Variants in COPB1 observed in about 807,000 individuals in gnomAD.
The protein encoded by COPB1 is coat protein complex I subunit beta 1, also known as coatomer subunit beta.
In COPB1, 21 loss-of-function variants were observed where a neutral mutation model predicts 108.7. The observed-to-expected ratio is 0.19, with a 90% CI of 0.14 to 0.28. The LOEUF is 0.28. Among genes scored for constraint, COPB1 ranks in the 10% least tolerant of loss-of-function variants. COPB1 has a pLI of 1.00. For missense variants in COPB1, 919 were observed against 1,141.3 expected (o/e 0.81, Z 2.81); for synonymous variants, 378 against 386.8 (o/e 0.98, Z 0.27).
chr11:14,465,482 C>CCCA (rs1259096289), intron 17 of COPB1, among the ~76,000 whole-genome samples: 2 of 152,020 alleles, frequency 1.3e-5, no homozygotes, highest in Non-Finnish European at 2.9e-5. Flanking sequence ...ACAGGAGTGG[C>CCCA]CCACCACACC....
intron 18 of COPB1, among the ~76,000 whole-genome samples, chr11:14,461,898 T>C (rs1383131418): frequency 6.6e-6 from 1 of 152,202 alleles, no homozygotes; most frequent in East Asian, 1.9e-4. Context: ...TTAAATGGCA[T>C]AGTATTTGCA....
intron 19 of COPB1, among the ~76,000 whole-genome samples, 190 bp from the exon 20 acceptor site, chr11:14,460,487 CT>C (rs1427073011): frequency 6.6e-6 from 1 of 151,894 alleles, no homozygotes; most frequent in African/African-American, 2.4e-5. Flanking sequence ...ATAGAGATAA[CT>C]TCACAGAGAT....
At chr11:14,499,038 A>G (rs1438367640) in intron 1 of COPB1, 53 bp from the exon 2 acceptor site, 3 of 854,578 alleles carry the variant, frequency 3.5e-6, no homozygotes, top group Non-Finnish European at 5.4e-6. Flanking sequence ...AAAAACCCAC[A>G]AACAAGTACC....
Position 14,469,521 on chromosome 11 carries a change from G to A in COPB1, c.1780C>T (p.His594Tyr), listed in dbSNP as rs753978046. Residue 594 changes from histidine to tyrosine, a missense_variant, in exon 15 of 22, where the codon CAT (histidine) becomes TAT (tyrosine). By Grantham distance (83) the His-to-Tyr change is moderately conservative (BLOSUM62 2). Transcript: ENST00000439561. ...TTAGGAAGAGAGGATTTTCCCAAAT[G>A]CAGGATAGTAGCCATGAGCAACATA... ...EAMLLMATILHLGKSSLPKKP... is the reference protein window; with the variant it reads ...EAMLLMATILYLGKSSLPKKP... 6.2e-7 allele frequency: 1 copy of A among 1,614,158 alleles called. No individual in the cohort carries two copies. The highest frequency in any genetic ancestry group is 1.1e-5 in the South Asian group (1 of 91,082).
intron 1 of COPB1, 142 bp from the exon 2 acceptor site, chr11:14,499,127 C>A: frequency 1.8e-6 from 1 of 540,672 alleles, no homozygotes; most frequent in South Asian, 2.6e-5. Flanking sequence ...TAGTAAAAAC[C>A]ACATTATCAG....
intron 2 of COPB1, among the ~76,000 whole-genome samples, chr11:14,495,668 C>A (rs1382730878): frequency 6.6e-6 from 1 of 152,176 alleles, no homozygotes; most frequent in East Asian, 1.9e-4. Flanking sequence ...CCAGTCTCAA[C>A]TCTTCTTAAT....
rs1314663359 is a variant in COPB1, at chr11:14,483,157, T to C, written c.838-6A>G. Reference sequence around the variant, plus strand: ...ATGTAACACTGAGCAGCAGCCTATATAAAAAAAGAAATACATTTTAAGAAG... The same window carrying C: ...ATGTAACACTGAGCAGCAGCCTATACAAAAAAAGAAATACATTTTAAGAAG... On this transcript the variant is annotated splice_polypyrimidine_tract_variant and splice_region_variant and intron_variant, in intron 7 of 21. Coordinates refer to ENST00000439561, the MANE Select transcript of COPB1 (RefSeq NM_001144061.2). The C allele has an allele frequency of 1.3e-6, 2 of 1,528,626 alleles. No individual in the cohort carries two copies. Among genetic ancestry groups the C allele is most frequent in the Non-Finnish European group, 1.8e-6 (2 of 1,130,538 alleles). The allele number at this position is 1,528,626 out of a possible 1,614,324, so 94.7% of individuals were successfully genotyped here. A position where few individuals can be genotyped will look rare whatever the true frequency, so the allele number is the denominator to read the frequency against.
chr11:14,489,567 C>T (rs1850848956), intron 5 of COPB1, among the ~76,000 whole-genome samples: 1 of 152,182 alleles, frequency 6.6e-6, no homozygotes, highest in African/African-American at 2.4e-5. Context: ...AATTCCAACA[C>T]ATGCCGCAAC....
At chr11:14,459,023 C>T (rs1034183059) in intron 20 of COPB1, among the ~76,000 whole-genome samples, 4 of 152,198 alleles carry the variant, frequency 2.6e-5, no homozygotes, top group Non-Finnish European at 5.9e-5. Flanking sequence ...CCGCCTCGGC[C>T]TCCCAAAATG....
rs777873554 is a variant in COPB1, at chr11:14,480,790, A to T, written c.1181T>A (p.Phe394Tyr). Residue 394 changes from phenylalanine to tyrosine, a missense_variant, in exon 10 of 22, where the codon TTT becomes TAT. By Grantham distance (22) the Phe-to-Tyr change is conservative (BLOSUM62 3). Coordinates refer to ENST00000439561, the MANE Select transcript of COPB1 (RefSeq NM_001144061.2). Reference sequence around the variant, plus strand: ...AATAACATTTGCAGCCATATCTGGAAATCGGACAGAACAGGAATGCAATGT... The same window carrying T: ...AATAACATTTGCAGCCATATCTGGATATCGGACAGAACAGGAATGCAATGT... ...VRTLHSCSVR[F>Y]PDMAANVIPV... is the part of the protein sequence containing the mutation. 9 of 1,613,882 alleles carry T rather than the reference A, an allele frequency of 5.6e-6. No homozygotes were observed. The African/African-American group carries it at 1.1e-4, about 19-fold the overall frequency.
rs3758764 is a variant in COPB1 at position 14,490,279 on chromosome 11, T to C, written c.606+286A>G. On this transcript the variant is annotated intron_variant, in intron 5 of 21. Coordinates refer to ENST00000439561, the MANE Select transcript of COPB1 (RefSeq NM_001144061.2). Reference sequence around the variant, plus strand: ...ACTAAACAATTTTAGATCTATACCATCATAGGAAAGAACAGTCATAATAAT... The same window carrying C: ...ACTAAACAATTTTAGATCTATACCACCATAGGAAAGAACAGTCATAATAAT... Among the ~76,000 whole-genome samples, 46 of 152,282 alleles carry C rather than the reference T, an allele frequency of 3.0e-4. No individual in the cohort carries two copies. In the East Asian group the frequency reaches 8.9e-3, roughly 29 times the overall value.
At position 14,466,369 on chromosome 11, in the gene COPB1, T is replaced by G; in HGVS notation, c.2203A>C (p.Asn735His). The change falls in exon 17 of 22, where the codon AAC (asparagine) becomes CAC (histidine). Residue 735 changes from asparagine to histidine, a missense_variant. Coordinates refer to ENST00000439561, the MANE Select transcript of COPB1 (RefSeq NM_001144061.2). ...PVYAEAYVHV[N>H]QYDIVLDVLV... ...ACATCCAGGACAATATCATATTGGT[T>G]GACATGAACGTAAGCTTCTGCATAT... 1.2e-6 allele frequency: 2 copies of G among 1,613,534 alleles called. No individual in the cohort carries two copies. Among genetic ancestry groups the G allele is most frequent in the Non-Finnish European group, 1.7e-6 (2 of 1,179,784 alleles).
intron 18 of COPB1, among the ~76,000 whole-genome samples, chr11:14,463,423 T>C (rs907982588): frequency 2.0e-5 from 3 of 152,374 alleles, no homozygotes. Flanking sequence ...GTTCAAGCTA[T>C]TCTCCTGCCT....
In COPB1 at chr11:14,481,064, T is replaced by C. The variant is rs146427132; in HGVS notation, c.991A>G (p.Thr331Ala). 4.5e-5 allele frequency: 73 copies of C among 1,613,628 alleles called. 2 individuals are homozygous for C. In the East Asian group the frequency reaches 1.6e-3, roughly 34 times the overall value. The stretch of plus-strand genomic sequence containing the variant: ...TTCTTTCGTACTTCTAAGTCTGGTG[T>C]GCTCAATACTCTTAGGATATCCATA... ...LVMDILRVLS[T>A]PDLEVRKKTL... Residue 331 changes from threonine to alanine, a missense_variant, in exon 9 of 22, where the codon ACA (threonine) becomes GCA (alanine). This residue lies in a region of COPB1 where 705 missense variants were observed against 817.8 expected (regional missense o/e 0.86). Coordinates refer to ENST00000439561, the MANE Select transcript of COPB1 (RefSeq NM_001144061.2).
chr11:14,484,227 A>T (rs1037299494), intron 7 of COPB1, among the ~76,000 whole-genome samples: 1 of 152,244 alleles, frequency 6.6e-6, no homozygotes, highest in South Asian at 2.1e-4. Context: ...GGAGACTACG[A>T]TATGACCACT....
At chr11:14,469,783 G>C (rs888873744) in intron 14 of COPB1, among the ~76,000 whole-genome samples, 1 of 152,156 alleles carries the variant, frequency 6.6e-6, no homozygotes, top group African/African-American at 2.4e-5. Context: ...AGAGACAGCA[G>C]AGGCTTTTTA....
chr11:14,484,944 GAA>G (rs1309915128), intron 7 of COPB1, among the ~76,000 whole-genome samples: 1 of 152,154 alleles, frequency 6.6e-6, no homozygotes, highest in Non-Finnish European at 1.5e-5. Flanking sequence ...GAGAAAGGGA[GAA>G]AGGTAAATAC....
In COPB1 at chr11:14,486,520, T is replaced by G. The variant is rs1475418666; in HGVS notation, c.700-16A>C. ...CATGACAGACCTGGAGAAGAAAACA[T>G]TAACATTTCAACCGATTTCAGGAAC... is the stretch of plus-strand genomic sequence containing the variant. On this transcript the variant is annotated splice_polypyrimidine_tract_variant and intron_variant, in intron 6 of 21. Transcript: ENST00000439561. 1.9e-6 allele frequency: 3 copies of G among 1,610,508 alleles called. No individual in the cohort carries two copies. In the African/African-American group the frequency reaches 4.0e-5, roughly 22 times the overall value.
At chr11:14,484,936 G>A (rs1850737878) in intron 7 of COPB1, among the ~76,000 whole-genome samples, 1 of 152,196 alleles carries the variant, frequency 6.6e-6, no homozygotes, top group Non-Finnish European at 1.5e-5. Context: ...ATAAATTAGA[G>A]AAAGGGAGAA....
Sources: gnomAD v4.1 joint callset for allele counts (sites outside exome capture counted in the v4.1 genomes callset) on GRCh38, gnomAD v4.1.1 for gene constraint, gnomAD v4.1.1 regional missense constraint, MANE v1.5 for transcripts, NCBI Gene and HGNC (gene_info 2026-07-23, HGNC 2026-07-21) for gene names.